The following GPR160 variants were observed in gnomAD, a reference collection of about 807,000 sequenced individuals.
GPR160 encodes the protein G protein-coupled receptor 160.
GPR160 carries 2 observed loss-of-function variants against 2.6 expected under a neutral mutation model. That is an observed-to-expected ratio of 0.77 (90% confidence interval 0.32 to 2.44). The LOEUF (loss-of-function observed/expected upper bound fraction) is 2.44. Among genes scored for constraint, GPR160 ranks in the 30% most tolerant of loss-of-function variants. The probability of loss-of-function intolerance (pLI) is 0.11; values close to 1 mark genes in which losing one functional copy is unlikely to be tolerated. For synonymous variants in GPR160, 130 were observed against 132.2 expected (o/e 0.98, Z 0.12); for missense variants, 351 against 383.6 (o/e 0.91, Z 0.71).
chr3:170,066,414 C>T (rs1272380417), intron 2 of GPR160, among the ~76,000 whole-genome samples: 1 of 152,102 alleles, frequency 6.6e-6, no homozygotes, highest in East Asian at 1.9e-4. Flanking sequence ...GCTGGGATTA[C>T]AGGTGTGAGC....
intron 2 of GPR160, among the ~76,000 whole-genome samples, chr3:170,064,257 AG>A (rs1712171435): frequency 6.6e-6 from 1 of 152,180 alleles, no homozygotes; most frequent in Non-Finnish European, 1.5e-5. Context: ...GCTGCCGTCT[AG>A]GCCTCGTGTT....
intron 2 of GPR160, among the ~76,000 whole-genome samples, chr3:170,041,519 A>T (rs898643582): frequency 1.3e-5 from 2 of 152,140 alleles, no homozygotes; most frequent in Non-Finnish European, 2.9e-5. Flanking sequence ...TGACCTCGTG[A>T]TCTGCCCGCC....
At chr3:170,044,697 T>C (rs1225000786) in intron 2 of GPR160, among the ~76,000 whole-genome samples, 1 of 152,174 alleles carries the variant, frequency 6.6e-6, no homozygotes, top group Non-Finnish European at 1.5e-5. Flanking sequence ...ATGTGGATCC[T>C]GAAGTTGTGC....
In GPR160 at chr3:170,038,661, CGCGCGCGTGCGT is replaced by C. The variant is rs1234071009; in HGVS notation, c.-321-251_-321-240del. On this transcript the variant is annotated intron_variant, in intron 1 of 3. Transcript: ENST00000355897. This position sits in a 1 kb window ranked among gnomAD's most constrained non-coding sequence, Gnocchi z 5.3. The stretch of plus-strand genomic sequence containing the variant: ...GAATAGTCTCACACACACGCGCGCG[CGCGCGCGTGCGT>C]GCATTCATTGGGGCCGACTTTGCCT... 1 of 151,922 alleles carries C rather than the reference CGCGCGCGTGCGT, an allele frequency of 6.6e-6. No individual in the cohort carries two copies. The highest frequency in any genetic ancestry group is 1.5e-5 in the Non-Finnish European group (1 of 67,970). 9.4% of individuals were successfully genotyped at this position (151,922 alleles called of 1,614,324 possible). A position where few individuals can be genotyped will look rare whatever the true frequency, so the allele number is the denominator to read the frequency against.
At chr3:170,055,784 G>A (rs1203573922) in intron 2 of GPR160, among the ~76,000 whole-genome samples, 1 of 150,680 alleles carries the variant, frequency 6.6e-6, no homozygotes, top group Non-Finnish European at 1.5e-5. Context: ...GCAGGTGTCT[G>A]CCACAACGCC....
chr3:170,058,467 G>GC (rs1711758603), intron 2 of GPR160, among the ~76,000 whole-genome samples: 1 of 152,182 alleles, frequency 6.6e-6, no homozygotes, highest in South Asian at 2.1e-4. Context: ...AGATAAAATG[G>GC]AGAATAAGTT....
In GPR160 at chr3:170,084,106, T is replaced by C. The variant is rs373751717; in HGVS notation, c.134T>C (p.Met45Thr). ...KILLNILTLG[M>T]RRKNTCQNFM... The stretch of plus-strand genomic sequence containing the variant: ...TTATTAAATATCCTTACACTAGGAA[T>C]GAGAAGAAAAAACACCTGTCAAAAT... Residue 45 changes from methionine (M) to threonine (T), a missense_variant, in exon 4 of 4, where the codon ATG becomes ACG. Coordinates refer to ENST00000355897, the MANE Select transcript of GPR160 (RefSeq NM_014373.3). 2 of 1,595,856 alleles carry C rather than the reference T, an allele frequency of 1.3e-6. No individual in the cohort carries two copies. Among genetic ancestry groups the C allele is most frequent in the African/African-American group, 2.7e-5 (2 of 74,106 alleles).
At chr3:170,083,702 T>C (rs1713257184) in intron 3 of GPR160, among the ~76,000 whole-genome samples, 1 of 152,226 alleles carries the variant, frequency 6.6e-6, no homozygotes, top group Admixed American at 6.5e-5. Context: ...CTCTGAGTTC[T>C]GGACCATCTG....
At position 170,084,939 on chromosome 3, in the gene GPR160, A is replaced by G. The variant is rs1462357755; in HGVS notation, c.967A>G (p.Ile323Val). 2 of 1,595,754 alleles carry G rather than the reference A, an allele frequency of 1.3e-6. No homozygotes were observed. The change falls in exon 4 of 4, where the codon ATT becomes GTT. Residue 323 changes from isoleucine to valine, a missense_variant. Physicochemically the swap from Ile to Val is conservative, Grantham distance 29. Coordinates refer to ENST00000355897, the MANE Select transcript of GPR160 (RefSeq NM_014373.3). ...GAAGTGCTGCTTCATTCCACTTACA[A>G]TTCCTAATCTTGAGCAAATTGAAAA... is the stretch of plus-strand genomic sequence containing the variant. The part of the protein sequence containing the change: ...NWKCCFIPLT[I>V]PNLEQIEKPI...
At chr3:170,045,547 G>A (rs1019001665) in intron 2 of GPR160, among the ~76,000 whole-genome samples, 3 of 147,354 alleles carry the variant, frequency 2.0e-5, no homozygotes, top group South Asian at 2.2e-4. Flanking sequence ...CCGAGATCAC[G>A]CCACTGCACT....
chr3:170,046,575 C>T (rs1716728934), intron 2 of GPR160, among the ~76,000 whole-genome samples: 1 of 152,130 alleles, frequency 6.6e-6, no homozygotes, highest in African/African-American at 2.4e-5. Flanking sequence ...GAAATCCTGA[C>T]ACAGACACAG....
intron 2 of GPR160, among the ~76,000 whole-genome samples, chr3:170,042,828 T>TAG (rs1386336741): frequency 9.3e-5 from 10 of 107,998 alleles, no homozygotes; most frequent in Non-Finnish European, 1.3e-4. Context: ...CTCTCTCTCT[T>TAG]AAAAAAAAAA....
At chr3:170,082,672 T>C (rs1025590654) in intron 3 of GPR160, among the ~76,000 whole-genome samples, 7 of 152,146 alleles carry the variant, frequency 4.6e-5, no homozygotes, top group Non-Finnish European at 7.4e-5. Context: ...CATGGCTCAC[T>C]GCAGCCTTGA....
At position 170,079,873 on chromosome 3, in the gene GPR160, T is replaced by A. The variant is rs1713038845; in HGVS notation, c.-93T>A. 1 of 152,138 alleles carries A rather than the reference T, an allele frequency of 6.6e-6. No homozygotes were observed. Among genetic ancestry groups the A allele is most frequent in the South Asian group, 2.1e-4 (1 of 4,836 alleles). The allele number at this position is 152,138 out of a possible 1,614,324, so 9.4% of individuals were successfully genotyped here. On this transcript the variant is annotated 5_prime_UTR_variant, in exon 3 of 4. Coordinates refer to ENST00000355897, the MANE Select transcript of GPR160 (RefSeq NM_014373.3). ...AAAGTGAAATTAAATAGGAAGATCA[T>A]CAGTCAAGGAAGACCCACTGGAGAG... is the stretch of plus-strand genomic sequence containing the variant.
At chr3:170,070,941 A>G (rs1010389871) in intron 2 of GPR160, among the ~76,000 whole-genome samples, 6 of 152,198 alleles carry the variant, frequency 3.9e-5, no homozygotes, top group African/African-American at 1.4e-4. Flanking sequence ...GAATTTTGAA[A>G]AATGTATATA....
At chr3:170,078,261 G>C (rs1343869845) in intron 2 of GPR160, among the ~76,000 whole-genome samples, 7 of 152,120 alleles carry the variant, frequency 4.6e-5, no homozygotes, top group Admixed American at 4.6e-4. Context: ...ATGGGCCTTA[G>C]TTAGGGCTGC....
chr3:170,080,739 G>A (rs962770106), intron 3 of GPR160, among the ~76,000 whole-genome samples: 5 of 152,084 alleles, frequency 3.3e-5, no homozygotes, highest in African/African-American at 9.7e-5. Flanking sequence ...TGTCAATCTG[G>A]CACCCAGGCT....
intron 2 of GPR160, among the ~76,000 whole-genome samples, chr3:170,065,859 G>T (rs1439698924): frequency 6.6e-6 from 1 of 151,982 alleles, no homozygotes; most frequent in African/African-American, 2.4e-5. Flanking sequence ...GAAAAAAAAT[G>T]TACTGAAGTC....
intron 2 of GPR160, among the ~76,000 whole-genome samples, chr3:170,059,973 G>A (rs1177478451): frequency 1.3e-5 from 2 of 152,082 alleles, no homozygotes; most frequent in African/African-American, 4.8e-5. Flanking sequence ...AATAAGGTGA[G>A]GAAGACTCCT....
Sources: allele counts gnomAD v4.1 joint callset (sites outside exome capture counted in the v4.1 genomes callset), GRCh38; gene constraint gnomAD v4.1.1; non-coding constraint Gnocchi (gnomAD v3.1); transcripts MANE v1.5; gene names NCBI Gene and HGNC (gene_info 2026-07-23, HGNC 2026-07-21).